TENM2: variants seen among roughly 807,000 people sequenced by gnomAD.
TENM2 encodes the protein teneurin-2.
In TENM2, 52 loss-of-function variants were observed where a neutral mutation model predicts 245.2. The observed-to-expected ratio is 0.21, with a 90% CI of 0.17 to 0.27. The LOEUF is 0.27. Among genes scored for constraint, TENM2 ranks in the 10% least tolerant of loss-of-function variants. TENM2 has a pLI of 1.00. For missense variants in TENM2, 3,046 were observed against 3,666.8 expected, an observed-to-expected ratio of 0.83 and a Z score of 4.37; for synonymous variants, 1,363 against 1,438.9, an observed-to-expected ratio of 0.95 and a Z score of 1.19.
chr5:167,238,577 A>G, the TENM2 span, among the ~76,000 whole-genome samples: 1 of 152,080 alleles, frequency 6.6e-6, no homozygotes, highest in South Asian at 2.1e-4. Flanking sequence ...TTGCGGGACA[A>G]GCCTGCTAGG....
intron 25 of TENM2, among the ~76,000 whole-genome samples, chr5:168,236,585 T>C (rs1010200186): frequency 1.3e-5 from 2 of 152,108 alleles, no homozygotes; most frequent in Admixed American, 6.5e-5. Context: ...ACATCCTTCC[T>C]CACTGCCACA....
At chr5:167,212,870 TG>T in the TENM2 span, among the ~76,000 whole-genome samples, 1 of 152,194 alleles carries the variant, frequency 6.6e-6, no homozygotes, top group Non-Finnish European at 1.5e-5. Flanking sequence ...GGAGGAGAGC[TG>T]GGGGATTTAC....
At chr5:167,967,359 A>G (rs528171253) in intron 4 of TENM2, among the ~76,000 whole-genome samples, 68 of 152,294 alleles carry the variant, frequency 4.5e-4, no homozygotes, top group African/African-American at 1.5e-3. Context: ...CGAACCCATT[A>G]ATAAGAAAAT....
chr5:167,444,354 G>A (rs1289228921), intron 2 of TENM2, among the ~76,000 whole-genome samples: 8 of 151,038 alleles, frequency 5.3e-5, no homozygotes, highest in Admixed American at 5.3e-4. Context: ...AAATTACATT[G>A]GTGACTTTCA....
intron 6 of TENM2, among the ~76,000 whole-genome samples, chr5:168,056,420 C>A (rs1789547275): frequency 1.3e-5 from 2 of 152,048 alleles, no homozygotes; most frequent in Admixed American, 6.6e-5. Context: ...ATGAATATTT[C>A]TCTAACAATT....
At chr5:167,262,938 T>G in the TENM2 span, among the ~76,000 whole-genome samples, 1 of 152,148 alleles carries the variant, frequency 6.6e-6, no homozygotes, top group South Asian at 2.1e-4. Context: ...TGAGAGCTTA[T>G]TCCTCATGGA....
the TENM2 span, among the ~76,000 whole-genome samples, chr5:167,001,918 C>G: frequency 6.6e-6 from 1 of 152,006 alleles, no homozygotes; most frequent in South Asian, 2.1e-4. Flanking sequence ...TTTACTTATT[C>G]AGTGAGTCAC....
At chr5:167,092,415 G>C in the TENM2 span, among the ~76,000 whole-genome samples, 1 of 152,116 alleles carries the variant, frequency 6.6e-6, no homozygotes, top group East Asian at 1.9e-4. Flanking sequence ...GTCCTTTCTA[G>C]GAAAGCTATC....
At chr5:167,900,153 AG>A (rs1775589108) in intron 3 of TENM2, among the ~76,000 whole-genome samples, 1 of 80,360 alleles carries the variant, frequency 1.2e-5, no homozygotes, top group South Asian at 6.2e-4. Context: ...GGTTTTGGAA[AG>A]GAAAGGAATG....
intron 27 of TENM2, among the ~76,000 whole-genome samples, chr5:168,254,181 G>A (rs1478801260): frequency 6.6e-6 from 1 of 152,220 alleles, no homozygotes; most frequent in Non-Finnish European, 1.5e-5. Flanking sequence ...TGTGAAGAAC[G>A]TGAGAAGAGG....
intron 2 of TENM2, among the ~76,000 whole-genome samples, chr5:167,527,599 T>G (rs1771210509): frequency 6.6e-6 from 1 of 152,158 alleles, no homozygotes; most frequent in Admixed American, 6.6e-5. Context: ...TTTCTTGACC[T>G]CAGTGTAGAA....
the TENM2 span, among the ~76,000 whole-genome samples, chr5:167,029,778 C>A: frequency 6.6e-6 from 1 of 152,144 alleles, no homozygotes; most frequent in Admixed American, 6.5e-5. Flanking sequence ...ACACTTGATC[C>A]TTAATGAATG....
chr5:168,081,496 T>A (rs1791992586), intron 7 of TENM2, among the ~76,000 whole-genome samples: 2 of 152,216 alleles, frequency 1.3e-5, no homozygotes, highest in Non-Finnish European at 2.9e-5. Context: ...GTTATTTTGC[T>A]CATTAATTGA....
chr5:167,395,302 A>G (rs533129907), intron 2 of TENM2, among the ~76,000 whole-genome samples: 4 of 152,262 alleles, frequency 2.6e-5, no homozygotes, highest in African/African-American at 7.2e-5. Flanking sequence ...GTGTTAGTGT[A>G]TAGAAATATT....
intron 27 of TENM2, 127 bp from the exon 30 acceptor site, chr5:168,260,156 G>A (rs552290703): frequency 5.9e-4 from 552 of 941,462 alleles, no homozygotes; most frequent in Non-Finnish European, 8.4e-4. Context: ...ACAGTCATAA[G>A]CTCTTCCTCC....
At chr5:167,433,366 A>C (rs1764362101) in intron 2 of TENM2, among the ~76,000 whole-genome samples, 1 of 152,146 alleles carries the variant, frequency 6.6e-6, no homozygotes, top group South Asian at 2.1e-4. Flanking sequence ...GAAACAACCA[A>C]AAAAGATTTT....
At chr5:167,542,690 C>CA (rs1772291884) in intron 2 of TENM2, among the ~76,000 whole-genome samples, 1 of 152,260 alleles carries the variant, frequency 6.6e-6, no homozygotes, top group African/African-American at 2.4e-5. Context: ...GTTTTTCCCC[C>CA]AAACAAGAAC....
intron 2 of TENM2, among the ~76,000 whole-genome samples, chr5:167,547,646 T>C (rs1016359308): frequency 6.6e-6 from 1 of 152,226 alleles, no homozygotes; most frequent in African/African-American, 2.4e-5. Flanking sequence ...TTTAACTTTC[T>C]CTTTACAGAT....
At chr5:167,425,961 T>C (rs1763791330) in intron 2 of TENM2, among the ~76,000 whole-genome samples, 1 of 152,172 alleles carries the variant, frequency 6.6e-6, no homozygotes, top group Non-Finnish European at 1.5e-5. Flanking sequence ...TTAGGGTCAA[T>C]TGAAGGAACT....
Sources: gnomAD v4.1 joint callset for allele counts (sites outside exome capture counted in the v4.1 genomes callset) on GRCh38, gnomAD v4.1.1 for gene constraint, MANE v1.5 for transcripts, NCBI Gene and HGNC (gene_info 2026-07-23, HGNC 2026-07-21) for gene names.